NRG3: variants seen among roughly 807,000 people sequenced by gnomAD.
NRG3 encodes neuregulin 3.
Under a neutral mutation model 66.9 loss-of-function variants are expected in NRG3, and 31 were observed. That is an observed-to-expected ratio of 0.46 (90% confidence interval 0.35 to 0.63). NRG3 has a LOEUF of 0.63. NRG3 is among the 20% of genes least tolerant of loss of function. The pLI, the probability that NRG3 is intolerant of heterozygous loss-of-function variation, is 0.00. For synonymous variants in NRG3, 393 were observed against 359.4 expected (o/e 1.09, Z -1.06); for missense variants, 910 against 878.9 (o/e 1.04, Z -0.45).
chr10:82,029,265 T>C (rs2062458393), intron 1 of NRG3, among the ~76,000 whole-genome samples: 1 of 152,058 alleles, frequency 6.6e-6, no homozygotes, highest in East Asian at 1.9e-4. Context: ...CCATTGGCTG[T>C]GTGCTGTGGA....
rs146204847 is a variant in NRG3 at position 82,822,522 on chromosome 10, C to T, written c.1028-42889C>T. On this transcript the variant is annotated intron_variant, in intron 3 of 8. Transcript: ENST00000372141. ...ATCTCTGGGGTCATAACTTGCTCTACACAATTGTTCTGAAGGTGATTGCAG... is the reference window on the plus strand; with the variant it reads ...ATCTCTGGGGTCATAACTTGCTCTATACAATTGTTCTGAAGGTGATTGCAG... Among the ~76,000 whole-genome samples, 355 of 152,224 alleles carry T rather than the reference C, an allele frequency of 2.3e-3. 6 individuals are homozygous for T. The highest frequency in any genetic ancestry group is 0.018 in the Admixed American group (269 of 15,288).
chr10:82,141,758 G>A (rs2069797868), intron 1 of NRG3, among the ~76,000 whole-genome samples: 1 of 152,108 alleles, frequency 6.6e-6, no homozygotes, highest in African/African-American at 2.4e-5. Flanking sequence ...AAATAAAGTA[G>A]AATTAGGTAA....
intron 1 of NRG3, among the ~76,000 whole-genome samples, chr10:82,226,544 T>C (rs77419337): frequency 0.032 from 4,819 of 152,266 alleles, 87 homozygotes; most frequent in Non-Finnish European, 0.045. Flanking sequence ...TTGTTTATTA[T>C]ATTAAAAATA....
Position 82,163,525 on chromosome 10 carries a change from A to G in NRG3, c.824-195214A>G, listed in dbSNP as rs563549975. Among the ~76,000 whole-genome samples, 10 of 152,320 alleles carry G rather than the reference A, an allele frequency of 6.6e-5. No individual in the cohort carries two copies. The East Asian group carries it at 1.5e-3, about 24-fold the overall frequency. ...TTTCGATTAGACATCACTGTCATTCATTACATCAGTAGGTGAATGAGACAA... is the reference window on the plus strand; with the variant it reads ...TTTCGATTAGACATCACTGTCATTCGTTACATCAGTAGGTGAATGAGACAA... On this transcript the variant is annotated intron_variant, in intron 1 of 8. Coordinates refer to ENST00000372141, the MANE Select transcript of NRG3 (RefSeq NM_001010848.4).
chr10:81,886,708 T>C (rs1457561845), intron 1 of NRG3, among the ~76,000 whole-genome samples: 1 of 152,124 alleles, frequency 6.6e-6, no homozygotes, highest in African/African-American at 2.4e-5. Flanking sequence ...ATAAGTAAAA[T>C]AAATTTTGTT....
intron 4 of NRG3, among the ~76,000 whole-genome samples, chr10:82,950,752 G>T: frequency 6.6e-6 from 1 of 152,154 alleles, no homozygotes. Context: ...TTGATGAGAT[G>T]GAAGAATTGT....
intron 1 of NRG3, chr10:82,225,298 T>C (rs897986702): frequency 1.6e-4 from 24 of 152,206 alleles, no homozygotes; most frequent in African/African-American, 5.8e-4. Flanking sequence ...AAAAAACATA[T>C]GCTACTTTTT....
chr10:82,457,954 C>G (rs778767557), intron 2 of NRG3, among the ~76,000 whole-genome samples: 12 of 152,220 alleles, frequency 7.9e-5, no homozygotes, highest in Non-Finnish European at 1.5e-4. Flanking sequence ...TGATGCACGT[C>G]AAAAAGAGCA....
chr10:82,593,884 A>T lies in NRG3; in HGVS notation c.954-144693A>T, dbSNP rs559534812. 7.2e-4 allele frequency among the ~76,000 whole-genome samples: 109 copies of T among 152,014 alleles called. 1 individual carries two copies. The highest frequency in any genetic ancestry group is 2.5e-3 in the African/African-American group (105 of 41,504). ...TCTTTGTTTATTTTTAGTACTGATGATTCTATTATAAAAGTTGTAGACATT... is the reference window on the plus strand; with the variant it reads ...TCTTTGTTTATTTTTAGTACTGATGTTTCTATTATAAAAGTTGTAGACATT... On this transcript the variant is annotated intron_variant, in intron 2 of 8. Coordinates refer to ENST00000372141, the MANE Select transcript of NRG3 (RefSeq NM_001010848.4).
intron 1 of NRG3, among the ~76,000 whole-genome samples, chr10:81,940,093 C>CG (rs1407399821): frequency 6.6e-6 from 1 of 151,904 alleles, no homozygotes; most frequent in African/African-American, 2.4e-5. Flanking sequence ...CTTTTGCTGT[C>CG]GATTTCTAGT....
At chr10:82,632,696 T>G (rs1014906691) in intron 2 of NRG3, among the ~76,000 whole-genome samples, 8 of 152,230 alleles carry the variant, frequency 5.3e-5, no homozygotes, top group Non-Finnish European at 1.2e-4. Context: ...ATGTTTTAGG[T>G]ACCCCAAAAT....
At chr10:82,062,150 C>T (rs1183748635) in intron 1 of NRG3, among the ~76,000 whole-genome samples, 3 of 152,052 alleles carry the variant, frequency 2.0e-5, no homozygotes, top group Admixed American at 6.5e-5. Context: ...GAAACAAAGC[C>T]CTGCTTGTAT....
At chr10:82,983,087 A>G (rs1437508004) in intron 8 of NRG3, among the ~76,000 whole-genome samples, 2 of 152,152 alleles carry the variant, frequency 1.3e-5, no homozygotes, top group Admixed American at 1.3e-4. Flanking sequence ...AAGTGTAAGA[A>G]TTTTTACCTG....
intron 1 of NRG3, among the ~76,000 whole-genome samples, chr10:82,110,526 C>G (rs12249977): frequency 0.088 from 13,411 of 151,818 alleles, 1,959 homozygotes; most frequent in African/African-American, 0.3. Context: ...AGACGAGAGA[C>G]GAGGCTATTC....
intron 1 of NRG3, among the ~76,000 whole-genome samples, chr10:82,325,829 A>G (rs2081844825): frequency 6.6e-6 from 1 of 152,172 alleles, no homozygotes; most frequent in Non-Finnish European, 1.5e-5. Flanking sequence ...TGCTACTGTT[A>G]TCAAACATTG....
chr10:82,110,033 C>G (rs1457851684), intron 1 of NRG3, among the ~76,000 whole-genome samples: 1 of 152,126 alleles, frequency 6.6e-6, no homozygotes, highest in Non-Finnish European at 1.5e-5. Context: ...GTCAAATTCC[C>G]TTCTCCAAAG....
At chr10:82,747,073 A>G (rs2058676883) in intron 3 of NRG3, among the ~76,000 whole-genome samples, 1 of 151,970 alleles carries the variant, frequency 6.6e-6, no homozygotes, top group Admixed American at 6.6e-5. Context: ...ATGTAGTGAG[A>G]CCTTTTCTCA....
chr10:82,729,373 A>C (rs1020248043), intron 2 of NRG3, among the ~76,000 whole-genome samples: 4 of 152,180 alleles, frequency 2.6e-5, no homozygotes, highest in African/African-American at 4.8e-5. Flanking sequence ...TATGATATTA[A>C]AATTATGAAG....
intron 1 of NRG3, among the ~76,000 whole-genome samples, chr10:82,004,358 T>G (rs186728864): frequency 6.6e-6 from 1 of 152,128 alleles, no homozygotes; most frequent in Admixed American, 6.6e-5. Flanking sequence ...GATAATCTAG[T>G]AGAGAGAAAG....
Sources: gnomAD v4.1 joint callset for allele counts (sites outside exome capture counted in the v4.1 genomes callset) on GRCh38, gnomAD v4.1.1 for gene constraint, MANE v1.5 for transcripts, NCBI Gene and HGNC (gene_info 2026-07-23, HGNC 2026-07-21) for gene names.